The following MAGI2 variants were observed in gnomAD, a reference collection of about 807,000 sequenced individuals.
The protein encoded by MAGI2 is membrane-associated guanylate kinase, WW and PDZ domain-containing protein 2.
In MAGI2, 35 loss-of-function variants were observed where a neutral mutation model predicts 133.3. That is an observed-to-expected ratio of 0.26 (90% CI 0.20 to 0.35). The LOEUF is 0.35. MAGI2 is among the 10% of genes least tolerant of loss of function. The probability of loss-of-function intolerance (pLI) is 1.00; values close to 1 mark genes in which losing one functional copy is unlikely to be tolerated. For missense variants in MAGI2, 1,636 were observed against 1,863.4 expected, an observed-to-expected ratio of 0.88 and a Z score of 2.25; for synonymous variants, 729 against 710.6, an observed-to-expected ratio of 1.03 and a Z score of -0.41.
chr7:78,509,610 C>T (rs1795396733), intron 4 of MAGI2, among the ~76,000 whole-genome samples: 1 of 152,172 alleles, frequency 6.6e-6, no homozygotes, highest in Admixed American at 6.5e-5. Context: ...ATATGCATGG[C>T]AGCCATTCCG....
At chr7:78,133,321 A>T (rs192114153) in intron 17 of MAGI2, among the ~76,000 whole-genome samples, 2 of 152,142 alleles carry the variant, frequency 1.3e-5, no homozygotes, top group African/African-American at 4.8e-5. Flanking sequence ...TTACCAAAAA[A>T]CCTCATAAAA....
intron 2 of MAGI2, among the ~76,000 whole-genome samples, chr7:78,686,012 A>T (rs1816273176): frequency 7.0e-6 from 1 of 142,294 alleles, no homozygotes; most frequent in Non-Finnish European, 1.5e-5. Flanking sequence ...TTTATTCAGC[A>T]TGCCATGTTT....
chr7:78,540,398 G>A lies in MAGI2; in HGVS notation c.539-18753C>T, dbSNP rs961131411. ...TTGACAGGCCTTCACCCAGCCCCAC[G>A]TAGCCAGGCAGGCCAGTCTCACTCC... On this transcript the variant is annotated intron_variant, in intron 3 of 21. Transcript: ENST00000354212. Among the ~76,000 whole-genome samples the A allele has an allele frequency of 2.5e-4, 38 of 152,214 alleles. 1 individual carries two copies. The highest frequency in any genetic ancestry group is 8.2e-4 in the African/African-American group (34 of 41,536).
chr7:78,482,878 T>C (rs1175801957), intron 6 of MAGI2, among the ~76,000 whole-genome samples: 1 of 89,886 alleles, frequency 1.1e-5, no homozygotes, highest in Non-Finnish European at 2.3e-5. Context: ...CACATGGAAC[T>C]ACACACACAC....
chr7:78,899,080 C>T (rs1797418802), intron 2 of MAGI2, among the ~76,000 whole-genome samples: 1 of 152,034 alleles, frequency 6.6e-6, no homozygotes, highest in Non-Finnish European at 1.5e-5. Context: ...CAAACTCTAC[C>T]ATTTATAGCT....
intron 1 of MAGI2, among the ~76,000 whole-genome samples, chr7:79,261,069 C>G (rs2129556397): frequency 6.6e-6 from 1 of 152,288 alleles, no homozygotes; most frequent in African/African-American, 2.4e-5. Flanking sequence ...AAGAGAACAG[C>G]CATGAGCATT....
At chr7:78,405,659 CA>C (rs1407177245) in intron 6 of MAGI2, among the ~76,000 whole-genome samples, 2 of 151,856 alleles carry the variant, frequency 1.3e-5, no homozygotes, top group Admixed American at 6.6e-5. Context: ...TTTTTTAAAC[CA>C]AAAATATTCT....
At chr7:78,033,472 C>CCAA in intron 21 of MAGI2, among the ~76,000 whole-genome samples, 1 of 132,394 alleles carries the variant, frequency 7.6e-6, no homozygotes, top group Non-Finnish European at 1.6e-5. Flanking sequence ...GAGCTTGTCT[C>CCAA]AAAAAAAAAA....
chr7:78,958,753 T>C (rs1198624908), intron 2 of MAGI2, among the ~76,000 whole-genome samples: 1 of 152,078 alleles, frequency 6.6e-6, no homozygotes. Flanking sequence ...GTACCAGAAA[T>C]GGCTTCCAAG....
intron 8 of MAGI2, 104 bp downstream of exon 8, chr7:78,345,818 A>G: frequency 6.7e-7 from 1 of 1,503,334 alleles, no homozygotes; most frequent in Non-Finnish European, 9.0e-7. Flanking sequence ...GGAGAAAGCA[A>G]ATCAATTTTT....
intron 3 of MAGI2, among the ~76,000 whole-genome samples, chr7:78,602,140 CAGG>C (rs1207434248): frequency 6.6e-6 from 1 of 152,124 alleles, no homozygotes; most frequent in Non-Finnish European, 1.5e-5. Flanking sequence ...ATTATAATTT[CAGG>C]AGATTAAGTA....
chr7:78,279,832 A>T (rs557167521), intron 9 of MAGI2, among the ~76,000 whole-genome samples: 93 of 152,302 alleles, frequency 6.1e-4, no homozygotes, highest in African/African-American at 2.2e-3. Context: ...CTCCAATAGC[A>T]GGATCTGTCA....
chr7:78,641,759 G>T (rs1385156925), intron 2 of MAGI2, among the ~76,000 whole-genome samples: 1 of 152,064 alleles, frequency 6.6e-6, no homozygotes, highest in Non-Finnish European at 1.5e-5. Flanking sequence ...AAAAAATGGG[G>T]GAAAATATCT....
chr7:78,508,344 A>G (rs565474883), intron 4 of MAGI2, among the ~76,000 whole-genome samples: 2 of 152,330 alleles, frequency 1.3e-5, no homozygotes, highest in South Asian at 4.1e-4. Context: ...CTGAACCAAT[A>G]TTTAACATCT....
intron 6 of MAGI2, among the ~76,000 whole-genome samples, chr7:78,455,692 G>T (rs1032595907): frequency 3.3e-5 from 5 of 152,048 alleles, no homozygotes; most frequent in African/African-American, 7.2e-5. Context: ...TAATATAGTC[G>T]CTATACCAAC....
At chr7:78,213,035 T>A (rs568181099) in intron 10 of MAGI2, among the ~76,000 whole-genome samples, 20 of 152,328 alleles carry the variant, frequency 1.3e-4, no homozygotes, top group African/African-American at 4.6e-4. Context: ...ATCTGCTCAA[T>A]TTTTATTGGT....
chr7:78,990,148 T>A (rs966491097), intron 2 of MAGI2, among the ~76,000 whole-genome samples: 4 of 151,976 alleles, frequency 2.6e-5, no homozygotes, highest in African/African-American at 9.7e-5. Flanking sequence ...AGTGTTTCTG[T>A]GAGATAGATG....
At chr7:78,732,164 A>T (rs1256935199) in intron 2 of MAGI2, among the ~76,000 whole-genome samples, 1 of 152,146 alleles carries the variant, frequency 6.6e-6, no homozygotes. Flanking sequence ...CCTGCTGTTT[A>T]TGTTGTCACC....
chr7:78,121,585 C>T (rs918042301), intron 20 of MAGI2, among the ~76,000 whole-genome samples: 13 of 152,160 alleles, frequency 8.5e-5, no homozygotes, highest in Middle Eastern at 3.2e-3. Context: ...AAAAGTCTGA[C>T]GTACAAATCT....
Sources: gnomAD v4.1 joint callset for allele counts (sites outside exome capture counted in the v4.1 genomes callset) on GRCh38, gnomAD v4.1.1 for gene constraint, MANE v1.5 for transcripts, NCBI Gene and HGNC (gene_info 2026-07-23, HGNC 2026-07-21) for gene names.